The following SYN3 variants were observed in gnomAD, a reference collection of about 807,000 sequenced individuals.
SYN3 encodes synapsin-3.
SYN3 carries 35 observed loss-of-function variants against 65.8 expected under a neutral mutation model. The ratio of observed to expected loss-of-function variants is 0.53; its 90% confidence interval spans 0.41 to 0.70. SYN3 has a LOEUF of 0.70. SYN3 is among the 30% of genes least tolerant of loss of function. The probability of loss-of-function intolerance (pLI) is 0.00; values close to 1 mark genes in which losing one functional copy is unlikely to be tolerated. For missense variants in SYN3, 680 were observed against 749.0 expected (o/e 0.91, Z 1.08); for synonymous variants, 270 against 292.9 (o/e 0.92, Z 0.80).
chr22:32,739,231 T>G lies in SYN3; in HGVS notation c.711+125684A>C, dbSNP rs560558528. Among the ~76,000 whole-genome samples, 259 of 151,950 alleles carry G rather than the reference T, an allele frequency of 1.7e-3. 1 individual carries two copies. Among genetic ancestry groups the G allele is most frequent in the Non-Finnish European group, 2.7e-3 (182 of 67,974 alleles). ...GTGATAGTAAATAAGTCTCATGAGA[T>G]CTGATGATTTTAGAAGGGGTTTCCC... On this transcript the variant is annotated intron_variant, in intron 6 of 13. Transcript: ENST00000358763.
intron 1 of SYN3, among the ~76,000 whole-genome samples, chr22:33,050,301 T>C (rs1005620485): frequency 1.3e-4 from 20 of 151,656 alleles, no homozygotes; most frequent in African/African-American, 4.3e-4. Context: ...GGCCAACATA[T>C]TGAAACCCCA....
chr22:32,633,593 C>T (rs2059775866), intron 6 of SYN3, among the ~76,000 whole-genome samples: 1 of 152,096 alleles, frequency 6.6e-6, no homozygotes, highest in Non-Finnish European at 1.5e-5. Context: ...TTTTGACCTC[C>T]GAGGCAGAGG....
chr22:33,033,123 G>A (rs191623129), intron 1 of SYN3, among the ~76,000 whole-genome samples: 4 of 151,752 alleles, frequency 2.6e-5, no homozygotes, highest in African/African-American at 9.7e-5. Flanking sequence ...TGGGACTACA[G>A]GCACCCACCA....
At chr22:32,631,322 A>C (rs1009394381) in intron 6 of SYN3, among the ~76,000 whole-genome samples, 3 of 151,846 alleles carry the variant, frequency 2.0e-5, no homozygotes, top group South Asian at 2.1e-4. Flanking sequence ...AAAAAAAAAA[A>C]AAACCCAGAA....
At chr22:32,542,876 A>AGAGCTGGGC (rs1167209380) in intron 7 of SYN3, among the ~76,000 whole-genome samples, 2 of 151,954 alleles carry the variant, frequency 1.3e-5, no homozygotes, top group Non-Finnish European at 2.9e-5. Flanking sequence ...GCGGCTGTGG[A>AGAGCTGGGC]CAGCTGGGCC....
intron 6 of SYN3, among the ~76,000 whole-genome samples, chr22:32,601,500 A>G (rs1433000238): frequency 2.0e-5 from 3 of 152,166 alleles, no homozygotes; most frequent in Non-Finnish European, 4.4e-5. Context: ...AATGGTCTGG[A>G]TCTCCTGACC....
chr22:32,940,412 T>C (rs1177176238), intron 3 of SYN3, among the ~76,000 whole-genome samples: 1 of 152,264 alleles, frequency 6.6e-6, no homozygotes, highest in Middle Eastern at 3.4e-3. Context: ...AGTGTATCTA[T>C]TGTCTTTAGC....
chr22:32,626,234 A>T (rs1386689332), intron 6 of SYN3, among the ~76,000 whole-genome samples: 1 of 152,134 alleles, frequency 6.6e-6, no homozygotes, highest in African/African-American at 2.4e-5. Context: ...CACACCACAC[A>T]TCTTTCCTGC....
chr22:32,689,144 A>T (rs2060630438), intron 6 of SYN3, among the ~76,000 whole-genome samples: 1 of 152,186 alleles, frequency 6.6e-6, no homozygotes, highest in Admixed American at 6.5e-5. Context: ...GACTACAGTG[A>T]TGGCTTAGGG....
chr22:32,602,027 T>C (rs144878135), intron 6 of SYN3, among the ~76,000 whole-genome samples: 1 of 151,938 alleles, frequency 6.6e-6, no homozygotes, highest in African/African-American at 2.4e-5. Context: ...TTGTCTACAA[T>C]CTCATTGTCT....
At chr22:32,873,335 G>A (rs989001869) in intron 4 of SYN3, among the ~76,000 whole-genome samples, 1 of 147,356 alleles carries the variant, frequency 6.8e-6, no homozygotes, top group African/African-American at 2.5e-5. Context: ...GCATAAGGTG[G>A]TCCAAAGGAT....
chr22:32,774,357 G>C (rs2045854459), intron 6 of SYN3, among the ~76,000 whole-genome samples: 1 of 152,144 alleles, frequency 6.6e-6, no homozygotes. Flanking sequence ...GACACACAGA[G>C]AATGCCGTGT....
chr22:32,834,478 T>C (rs936283244), intron 6 of SYN3, among the ~76,000 whole-genome samples: 1 of 152,134 alleles, frequency 6.6e-6, no homozygotes, highest in South Asian at 2.1e-4. Flanking sequence ...CACCTTTTGA[T>C]AGGAGCCTCC....
intron 6 of SYN3, among the ~76,000 whole-genome samples, chr22:32,599,537 G>T (rs1318189827): frequency 1.3e-5 from 2 of 151,922 alleles, no homozygotes; most frequent in Non-Finnish European, 2.9e-5. Flanking sequence ...TAGCCAGGAT[G>T]GTCTCGATCT....
intron 6 of SYN3, among the ~76,000 whole-genome samples, chr22:32,746,801 T>TTGTGGAC (rs1458086407): frequency 3.0e-4 from 45 of 152,338 alleles, no homozygotes; most frequent in Non-Finnish European, 7.3e-5. Flanking sequence ...GGTCAGTGGA[T>TTGTGGAC]GCTTGTGGAC....
At chr22:32,696,665 T>C (rs1390298077) in intron 6 of SYN3, among the ~76,000 whole-genome samples, 1 of 152,188 alleles carries the variant, frequency 6.6e-6, no homozygotes, top group African/African-American at 2.4e-5. Flanking sequence ...GCTTAATAAA[T>C]GTTTCTTGGA....
At chr22:32,876,540 G>A (rs1288623869) in intron 4 of SYN3, among the ~76,000 whole-genome samples, 3 of 151,628 alleles carry the variant, frequency 2.0e-5, no homozygotes, top group Non-Finnish European at 4.4e-5. Flanking sequence ...AGAGTGAGAT[G>A]GGAAATGGGA....
At chr22:32,532,589 G>T (rs533935778) in intron 10 of SYN3, among the ~76,000 whole-genome samples, 1 of 24,472 alleles carries the variant, frequency 4.1e-5, no homozygotes, top group Admixed American at 5.7e-4. Flanking sequence ...GGAGAGAGGG[G>T]CTGTGTTCAT....
chr22:32,829,125 A>G (rs553541259), intron 6 of SYN3, among the ~76,000 whole-genome samples: 3 of 152,290 alleles, frequency 2.0e-5, no homozygotes, highest in African/African-American at 7.2e-5. Flanking sequence ...GCAGAGATGA[A>G]AGAGGAACTG....
Sources: gnomAD v4.1 joint callset for allele counts (sites outside exome capture counted in the v4.1 genomes callset) on GRCh38, gnomAD v4.1.1 for gene constraint, MANE v1.5 for transcripts, NCBI Gene and HGNC (gene_info 2026-07-23, HGNC 2026-07-21) for gene names.